FMN2: variants seen among roughly 807,000 people sequenced by gnomAD.
FMN2 encodes formin 2, also known as formin-2.
Under a neutral mutation model 142.3 loss-of-function variants are expected in FMN2, and 51 were observed. The observed-to-expected ratio is 0.36, with a 90% confidence interval of 0.29 to 0.45. The LOEUF (loss-of-function observed/expected upper bound fraction) is 0.45, where lower values mean the gene tolerates loss of function less well. Ranked by LOEUF, FMN2 falls within the 20% of genes least tolerant of loss-of-function variation. The probability of loss-of-function intolerance (pLI) is 1.00; values close to 1 mark genes in which losing one functional copy is unlikely to be tolerated. For synonymous variants in FMN2, 882 were observed against 869.8 expected (o/e 1.01, Z -0.25); for missense variants, 1,936 against 2,122.8 (o/e 0.91, Z 1.73).
chr1:240,330,607 TA>T lies in FMN2; in HGVS notation c.4448del (p.Asn1483MetfsTer9). ...TGTTGTTATTCTGTTTTACAGACAT[TA>T]AAAAATGGCCCAGGGGTTATGCAGG... is the stretch of plus-strand genomic sequence containing the variant. ...LELLQKLCETLKNGPGVMQVL... is the reference protein window; with the variant it reads ...LELLQKLCETXKNGPGVMQVL... On this transcript the variant is annotated frameshift_variant, in exon 11 of 18. Coordinates refer to ENST00000319653, the MANE Select transcript of FMN2 (RefSeq NM_020066.5). LOFTEE classifies it high-confidence loss of function. The T allele has an allele frequency of 6.2e-7, 1 of 1,612,516 alleles. No homozygotes were observed.
chr1:240,295,353 T>C (rs1455805081), intron 8 of FMN2, among the ~76,000 whole-genome samples: 1 of 152,174 alleles, frequency 6.6e-6, no homozygotes, highest in Non-Finnish European at 1.5e-5. Context: ...GATTAACACA[T>C]CCATCACCAC....
chr1:240,465,328 CTCTGTGTGTGTGTGTGTGTG>C (rs1676577636), intron 16 of FMN2, among the ~76,000 whole-genome samples: 1 of 128,712 alleles, frequency 7.8e-6, no homozygotes, highest in Admixed American at 8.6e-5. Context: ...TTATGCCTCC[CTCTGTGTGTGTGTGTGTGTG>C]TGTGTGTGTG....
At chr1:240,248,451 AT>A (rs1408640289) in intron 6 of FMN2, among the ~76,000 whole-genome samples, 11 of 147,726 alleles carry the variant, frequency 7.4e-5, no homozygotes, top group Non-Finnish European at 1.2e-4. Flanking sequence ...ATATATATAT[AT>A]ATATATAACA....
chr1:240,259,681 G>GTC (rs1668565692), intron 7 of FMN2, among the ~76,000 whole-genome samples: 2 of 151,984 alleles, frequency 1.3e-5, no homozygotes, highest in Admixed American at 1.3e-4. Flanking sequence ...GTCCACAGAA[G>GTC]CATAAACATC....
At position 240,249,944 on chromosome 1, in the gene FMN2, A is replaced by G. The variant is rs112213483; in HGVS notation, c.4066-8001A>G. ...AGTGATTTTTGTATGTTGATTTTGT[A>G]TACTGCAACTTTACTGAGTTCATCA... is the stretch of plus-strand genomic sequence containing the variant. On this transcript the variant is annotated intron_variant, in intron 6 of 17. Coordinates refer to ENST00000319653, the MANE Select transcript of FMN2 (RefSeq NM_020066.5). Among the ~76,000 whole-genome samples, 7 of 152,180 alleles carry G rather than the reference A, an allele frequency of 4.6e-5. No homozygotes were observed. In the South Asian group the frequency reaches 6.2e-4, roughly 14 times the overall value.
In FMN2 at chr1:240,344,767, T is replaced by C. The variant is rs113010045; in HGVS notation, c.4765+10538T>C. On this transcript the variant is annotated intron_variant, in intron 13 of 17. Transcript: ENST00000319653. ...TCTGACCCAGCTGTCTGGTGAAAAC[T>C]GCAGCTAATTAAAGGTGATTACTTC... 7.3e-3 allele frequency among the ~76,000 whole-genome samples: 1,113 copies of C among 152,356 alleles called. 17 individuals carry two copies. Among genetic ancestry groups the C allele is most frequent in the African/African-American group, 0.025 (1,056 of 41,576 alleles).
chr1:240,093,705 C>G lies in FMN2; in HGVS notation c.1596C>G (p.Gly532=). The G allele has an allele frequency of 7.3e-7, 1 of 1,371,316 alleles. No individual in the cohort carries two copies. The highest frequency in any genetic ancestry group is 9.3e-7 in the Non-Finnish European group (1 of 1,069,694). 84.9% of individuals were successfully genotyped at this position (1,371,316 alleles called of 1,614,324 possible). The change falls in exon 1 of 18, where the codon GGC becomes GGG. Residue 532 remains glycine, a synonymous_variant. Coordinates refer to ENST00000319653, the MANE Select transcript of FMN2 (RefSeq NM_020066.5). ...CTGGGGCCCCCGCGGCTGCGGATGG[C>G]TTCCAGAACGTGTTCACAGGTGAGC... The part of the protein sequence containing the change: ...KASGAPAAAD[G]FQNVFTGRTL...
intron 15 of FMN2, among the ~76,000 whole-genome samples, chr1:240,425,297 G>A (rs1354672915): frequency 1.3e-5 from 2 of 151,122 alleles, no homozygotes; most frequent in Admixed American, 6.6e-5. Context: ...GCATCAAAAC[G>A]TCATGCTCTG....
At chr1:240,324,981 T>C (rs1026812375) in intron 8 of FMN2, among the ~76,000 whole-genome samples, 1 of 152,158 alleles carries the variant, frequency 6.6e-6, no homozygotes, top group African/African-American at 2.4e-5. Flanking sequence ...GATTAATGTT[T>C]CAAAATGCAT....
chr1:240,284,265 A>G (rs1669509573), intron 7 of FMN2, among the ~76,000 whole-genome samples: 1 of 152,126 alleles, frequency 6.6e-6, no homozygotes. Context: ...TTTCATTCAT[A>G]TTTCAAATAA....
chr1:240,128,922 G>A (rs1460910623), intron 2 of FMN2, among the ~76,000 whole-genome samples: 3 of 151,974 alleles, frequency 2.0e-5, no homozygotes, highest in African/African-American at 4.8e-5. Context: ...TGCCCAGGAT[G>A]GAGTGCAGTG....
chr1:240,137,570 G>C (rs1286908549), intron 2 of FMN2, among the ~76,000 whole-genome samples: 1 of 152,138 alleles, frequency 6.6e-6, no homozygotes, highest in African/African-American at 2.4e-5. Context: ...CTTACCATGT[G>C]TGCTCACCAG....
intron 2 of FMN2, among the ~76,000 whole-genome samples, chr1:240,173,626 G>A (rs1381254953): frequency 6.6e-6 from 1 of 152,180 alleles, no homozygotes; most frequent in Non-Finnish European, 1.5e-5. Flanking sequence ...TGGGAATATA[G>A]GAACGTTGAA....
At chr1:240,161,927 A>T (rs1041366740) in intron 2 of FMN2, among the ~76,000 whole-genome samples, 1 of 152,124 alleles carries the variant, frequency 6.6e-6, no homozygotes, top group East Asian at 1.9e-4. Context: ...CTTAAACAGG[A>T]CAATACCCTG....
At chr1:240,314,867 G>A (rs1670720355) in intron 8 of FMN2, among the ~76,000 whole-genome samples, 1 of 152,248 alleles carries the variant, frequency 6.6e-6, no homozygotes, top group Middle Eastern at 3.4e-3. Context: ...TCTGTGATCT[G>A]CCTCGTTTGT....
intron 2 of FMN2, among the ~76,000 whole-genome samples, chr1:240,141,415 G>A (rs1380640308): frequency 1.3e-5 from 2 of 152,044 alleles, no homozygotes; most frequent in Admixed American, 6.6e-5. Flanking sequence ...GCAATGGCAC[G>A]ATCTCGGCTC....
chr1:240,296,141 G>T (rs1487464404), intron 8 of FMN2, among the ~76,000 whole-genome samples: 1 of 151,108 alleles, frequency 6.6e-6, no homozygotes, highest in African/African-American at 2.4e-5. Flanking sequence ...TCTCTATACT[G>T]CTACAGTTTA....
intron 2 of FMN2, chr1:240,142,862 G>C: frequency 6.3e-7 from 1 of 1,595,228 alleles, no homozygotes; most frequent in Non-Finnish European, 8.6e-7. Flanking sequence ...GGCCTACATG[G>C]ACAGACACTG....
In FMN2 at chr1:240,434,797, C is replaced by A. The variant is rs144639712; in HGVS notation, c.4911-3264C>A. On this transcript the variant is annotated intron_variant, in intron 15 of 17. Coordinates refer to ENST00000319653, the MANE Select transcript of FMN2 (RefSeq NM_020066.5). ...CCATGTTAGCCAGGATGGTCTCGAT[C>A]TCCTGACCTCGTGATCCGCTGCCTC... Among the ~76,000 whole-genome samples, 949 of 148,312 alleles carry A rather than the reference C, an allele frequency of 6.4e-3. 11 individuals are homozygous for A. The highest frequency in any genetic ancestry group is 0.022 in the African/African-American group (889 of 39,922).
Sources: allele counts gnomAD v4.1 joint callset (sites outside exome capture counted in the v4.1 genomes callset), GRCh38; gene constraint gnomAD v4.1.1; transcripts MANE v1.5; gene names NCBI Gene and HGNC (gene_info 2026-07-23, HGNC 2026-07-21).